Variants in MEOX2 observed in about 807,000 individuals in gnomAD.
MEOX2 encodes homeobox protein MOX-2.
MEOX2 carries 11 observed loss-of-function variants against 27.0 expected under a neutral mutation model. That is an observed-to-expected ratio of 0.41 (90% CI 0.26 to 0.68). The LOEUF is 0.68. Ranked by LOEUF, MEOX2 falls within the 30% of genes least tolerant of loss-of-function variation. The probability of loss-of-function intolerance (pLI) is 0.33; values close to 1 mark genes in which losing one functional copy is unlikely to be tolerated. For synonymous variants in MEOX2, 189 were observed against 155.4 expected (o/e 1.22, Z -1.61); for missense variants, 436 against 385.4 (o/e 1.13, Z -1.10).
chr7:15,676,237 A>G (rs1203258103), intron 1 of MEOX2: 1 of 152,202 alleles, frequency 6.6e-6, no homozygotes, highest in Non-Finnish European at 1.5e-5. Flanking sequence ...GAACAAACAA[A>G]TAATTAAAAT....
At chr7:15,620,042 A>G (rs1781195715) in intron 2 of MEOX2, among the ~76,000 whole-genome samples, 1 of 152,066 alleles carries the variant, frequency 6.6e-6, no homozygotes, top group South Asian at 2.1e-4. Context: ...AATACTGTCA[A>G]TATGTATTTA....
At chr7:15,634,756 C>G (rs142421669) in intron 1 of MEOX2, among the ~76,000 whole-genome samples, 369 of 152,086 alleles carry the variant, frequency 2.4e-3, no homozygotes, top group African/African-American at 8.0e-3. Flanking sequence ...CACGCCTTGT[C>G]TCCTCCAAGC....
intron 1 of MEOX2, among the ~76,000 whole-genome samples, chr7:15,682,695 C>A (rs1782312694): frequency 6.6e-6 from 1 of 151,758 alleles, no homozygotes; most frequent in East Asian, 1.9e-4. Flanking sequence ...GCAGTTTATT[C>A]CTACTACTAG....
intron 1 of MEOX2, among the ~76,000 whole-genome samples, chr7:15,683,402 T>C (rs1479131370): frequency 4.6e-5 from 7 of 152,048 alleles, no homozygotes; most frequent in African/African-American, 7.2e-5. Flanking sequence ...AATACAATTT[T>C]AAATTTCAGG....
At chr7:15,643,130 G>T (rs1781588939) in intron 1 of MEOX2, among the ~76,000 whole-genome samples, 1 of 152,214 alleles carries the variant, frequency 6.6e-6, no homozygotes, top group Admixed American at 6.5e-5. Flanking sequence ...AATCATGCCA[G>T]AAGTTGTGAT....
intron 2 of MEOX2, among the ~76,000 whole-genome samples, chr7:15,625,158 G>C (rs962568652): frequency 4.6e-5 from 7 of 152,046 alleles, no homozygotes; most frequent in African/African-American, 1.4e-4. Context: ...TATAAAACAC[G>C]GTTGCATTTC....
intron 2 of MEOX2, among the ~76,000 whole-genome samples, chr7:15,623,377 A>AT (rs923527641): frequency 2.4e-4 from 36 of 152,298 alleles, no homozygotes; most frequent in African/African-American, 6.0e-4. Context: ...TAAGTATGTG[A>AT]TTTTTTTTTA....
intron 1 of MEOX2, among the ~76,000 whole-genome samples, chr7:15,651,285 C>T (rs1367537969): frequency 6.6e-6 from 1 of 151,754 alleles, no homozygotes; most frequent in Non-Finnish European, 1.5e-5. Context: ...TTTCTCCTGC[C>T]CATAGTAATT....
At chr7:15,626,227 A>G (rs540983307) in intron 2 of MEOX2, among the ~76,000 whole-genome samples, 2 of 152,308 alleles carry the variant, frequency 1.3e-5, no homozygotes, top group African/African-American at 4.8e-5. Context: ...CTAAAGAGTC[A>G]GAATGGGTCT....
chr7:15,622,289 G>C (rs573336730), intron 2 of MEOX2, among the ~76,000 whole-genome samples: 3 of 152,106 alleles, frequency 2.0e-5, no homozygotes, highest in East Asian at 1.9e-4. Flanking sequence ...ATATGTGTGT[G>C]TATGTGTTTG....
chr7:15,673,675 T>C (rs1186566222), intron 1 of MEOX2, among the ~76,000 whole-genome samples: 1 of 138,060 alleles, frequency 7.2e-6, no homozygotes, highest in East Asian at 2.2e-4. Context: ...AGCTGGTCAA[T>C]AAAGGTTGTA....
intron 1 of MEOX2, among the ~76,000 whole-genome samples, chr7:15,631,966 C>T (rs1781412282): frequency 1.0e-5 from 1 of 99,662 alleles, no homozygotes; most frequent in African/African-American, 3.7e-5. Context: ...GAAAATAGCA[C>T]AAGATTATTC....
chr7:15,680,572 C>T (rs893043953), intron 1 of MEOX2: 3 of 151,734 alleles, frequency 2.0e-5, no homozygotes, highest in African/African-American at 4.8e-5. Context: ...TACTTTACAC[C>T]GTTACTCCTT....
chr7:15,647,373 A>G (rs1781667918), intron 1 of MEOX2, among the ~76,000 whole-genome samples: 1 of 152,108 alleles, frequency 6.6e-6, no homozygotes, highest in South Asian at 2.1e-4. Context: ...TTAAATGGTA[A>G]GATATTTCCA....
chr7:15,652,205 A>G (rs1781742551), intron 1 of MEOX2, among the ~76,000 whole-genome samples: 1 of 152,070 alleles, frequency 6.6e-6, no homozygotes, highest in Admixed American at 6.6e-5. Flanking sequence ...ACTGTTCAAA[A>G]GAACTATTAG....
intron 1 of MEOX2, among the ~76,000 whole-genome samples, chr7:15,651,058 G>A (rs1250462777): frequency 6.6e-6 from 1 of 151,994 alleles, no homozygotes; most frequent in Non-Finnish European, 1.5e-5. Flanking sequence ...GGAGCAAAGA[G>A]GAGAGATGAG....
chr7:15,618,869 A>T (rs1236798898), intron 2 of MEOX2, among the ~76,000 whole-genome samples: 1 of 151,934 alleles, frequency 6.6e-6, no homozygotes, highest in Non-Finnish European at 1.5e-5. Context: ...CCCATAGAAA[A>T]GTCAATAATT....
At chr7:15,619,183 C>T (rs903395447) in intron 2 of MEOX2, among the ~76,000 whole-genome samples, 6 of 151,972 alleles carry the variant, frequency 3.9e-5, no homozygotes, top group African/African-American at 1.4e-4. Context: ...ACAATGCCAA[C>T]ACAAAACTTG....
chr7:15,642,655 G>T (rs537568069), intron 1 of MEOX2, among the ~76,000 whole-genome samples: 2 of 152,262 alleles, frequency 1.3e-5, no homozygotes, highest in Admixed American at 1.3e-4. Flanking sequence ...GAACTAACAT[G>T]GTCCTTTGAG....
Sources: gnomAD v4.1 joint callset for allele counts (sites outside exome capture counted in the v4.1 genomes callset) on GRCh38, gnomAD v4.1.1 for gene constraint, MANE v1.5 for transcripts, NCBI Gene and HGNC (gene_info 2026-07-23, HGNC 2026-07-21) for gene names.